The following LRP1B variants were observed in gnomAD, a reference collection of about 807,000 sequenced individuals.
LRP1B encodes the protein LDL receptor related protein 1B.
In LRP1B, 217 loss-of-function variants were observed where a neutral mutation model predicts 556.6. The ratio of observed to expected loss-of-function variants is 0.39; its 90% CI spans 0.35 to 0.44. The LOEUF is 0.44. LRP1B is among the 20% of genes least tolerant of loss of function. The probability of loss-of-function intolerance (pLI) is 1.00; values close to 1 mark genes in which losing one functional copy is unlikely to be tolerated. For synonymous variants in LRP1B, 2,047 were observed against 1,865.8 expected, an observed-to-expected ratio of 1.10 and a Z score of -2.50; for missense variants, 5,053 against 5,620.8, an observed-to-expected ratio of 0.90 and a Z score of 3.23.
intron 7 of LRP1B, among the ~76,000 whole-genome samples, chr2:141,116,298 A>G (rs2104982652): frequency 6.6e-6 from 1 of 152,298 alleles, no homozygotes; most frequent in African/African-American, 2.4e-5. Flanking sequence ...AATGATGGAA[A>G]ATGAATTAAA....
intron 27 of LRP1B, among the ~76,000 whole-genome samples, chr2:140,861,149 G>A (rs539799692): frequency 1.3e-5 from 2 of 152,178 alleles, no homozygotes; most frequent in Middle Eastern, 3.2e-3. Flanking sequence ...GCTCACGCCT[G>A]TAATCCCAGA....
At chr2:141,436,802 A>T (rs554527171) in intron 3 of LRP1B, among the ~76,000 whole-genome samples, 2 of 152,290 alleles carry the variant, frequency 1.3e-5, no homozygotes, top group South Asian at 4.1e-4. Flanking sequence ...GGAGGGAAGT[A>T]AACCATTTAT....
intron 27 of LRP1B, among the ~76,000 whole-genome samples, chr2:140,855,493 G>GAAAAAAA (rs56835236): frequency 1.0e-5 from 1 of 99,370 alleles, no homozygotes; most frequent in African/African-American, 3.8e-5. Flanking sequence ...TCTCTACTGG[G>GAAAAAAA]AAAAAAAAAA....
chr2:140,870,835 C>T (rs116135534), intron 25 of LRP1B, among the ~76,000 whole-genome samples: 2 of 151,880 alleles, frequency 1.3e-5, no homozygotes, highest in African/African-American at 4.8e-5. Flanking sequence ...TTCAATTAAT[C>T]CACTTCCTTT....
At chr2:141,688,718 C>T (rs1226242403) in intron 2 of LRP1B, among the ~76,000 whole-genome samples, 1 of 151,812 alleles carries the variant, frequency 6.6e-6, no homozygotes, top group Non-Finnish European at 1.5e-5. Flanking sequence ...TATACTGCCA[C>T]TTTAAGATAT....
At chr2:140,536,311 TA>T (rs70988404) in intron 46 of LRP1B, among the ~76,000 whole-genome samples, 20 of 61,894 alleles carry the variant, frequency 3.2e-4, no homozygotes, top group African/African-American at 8.9e-4. Flanking sequence ...CCCGTCTCTT[TA>T]AAAAAAAAAA....
chr2:141,492,316 T>A (rs948067098), intron 2 of LRP1B, among the ~76,000 whole-genome samples: 2 of 152,014 alleles, frequency 1.3e-5, no homozygotes, highest in African/African-American at 4.8e-5. Context: ...ATTTTATAGA[T>A]CTCCCTTAAG....
intron 7 of LRP1B, among the ~76,000 whole-genome samples, chr2:141,112,982 G>C (rs973640687): frequency 2.6e-5 from 4 of 152,036 alleles, no homozygotes; most frequent in Non-Finnish European, 4.4e-5. Flanking sequence ...ACAGACTTTT[G>C]AAAAGGCAAA....
rs535932078 is a variant in LRP1B, at chr2:140,254,420, A to T, written c.13248-7258T>A. 2.0e-5 allele frequency among the ~76,000 whole-genome samples: 3 copies of T among 152,298 alleles called. No homozygotes were observed. In the South Asian group the frequency reaches 6.2e-4, roughly 32 times the overall value. On this transcript the variant is annotated intron_variant, in intron 86 of 90. Transcript: ENST00000389484. ...AAATACTGATGTTAGCTACTTGAAT[A>T]TTTTAAAGTCTGAAACATTGGGAAA...
At chr2:141,175,992 G>A (rs559316648) in intron 7 of LRP1B, among the ~76,000 whole-genome samples, 16 of 152,210 alleles carry the variant, frequency 1.1e-4, no homozygotes, top group East Asian at 5.8e-4. Flanking sequence ...TTTCTAACTC[G>A]TATGGGGCCT....
intron 11 of LRP1B, among the ~76,000 whole-genome samples, chr2:141,029,015 G>A (rs1406283757): frequency 6.6e-6 from 1 of 152,078 alleles, no homozygotes; most frequent in East Asian, 1.9e-4. Flanking sequence ...CTGAGGAGGT[G>A]GTCTGCAGGC....
intron 2 of LRP1B, among the ~76,000 whole-genome samples, chr2:141,540,801 G>T (rs1304892581): frequency 3.9e-5 from 6 of 151,934 alleles, no homozygotes; most frequent in Admixed American, 1.3e-4. Flanking sequence ...CAGATTTCCT[G>T]TGTTAACATC....
chr2:141,638,997 T>A (rs76196018), intron 2 of LRP1B, among the ~76,000 whole-genome samples: 30,354 of 72,364 alleles, frequency 0.42, 10,667 homozygotes, highest in East Asian at 0.69. Flanking sequence ...AAAAAAAATA[T>A]ATATATATAT....
intron 7 of LRP1B, among the ~76,000 whole-genome samples, chr2:141,157,867 G>A (rs943685455): frequency 2.0e-5 from 3 of 152,230 alleles, no homozygotes; most frequent in Admixed American, 6.5e-5. Flanking sequence ...TGTAATTTGT[G>A]ATTGTGATTG....
rs373947744 is a variant in LRP1B at position 141,254,508 on chromosome 2, T to C, written c.463+14A>G. On this transcript the variant is annotated intron_variant, in intron 4 of 90. Transcript: ENST00000389484. ...CTATAAACAAAATTTGATGGCGTTA[T>C]ATGTTTTACTTACCTTTACAGCTTC... The C allele has an allele frequency of 4.1e-5, 66 of 1,610,684 alleles. No individual in the cohort carries two copies. In the Middle Eastern group the frequency reaches 8.3e-4, roughly 20 times the overall value.
rs964693333 is a variant in LRP1B, at chr2:141,278,434, G to A, written c.344-23793C>T. ...TTGGATCTTGTTTGTACTATGCCAC[G>A]TTAGAAACCTGTTCACTTTGGCCTT... On this transcript the variant is annotated intron_variant, in intron 3 of 90. Transcript: ENST00000389484. Among the ~76,000 whole-genome samples the A allele has an allele frequency of 5.3e-5, 8 of 152,194 alleles. No homozygotes were observed. The South Asian group carries it at 1.2e-3, about 24-fold the overall frequency.
chr2:140,918,555 C>G (rs1694647930), intron 21 of LRP1B, among the ~76,000 whole-genome samples: 1 of 152,070 alleles, frequency 6.6e-6, no homozygotes, highest in South Asian at 2.1e-4. Flanking sequence ...TTCCTGTACT[C>G]TCACCAGCAT....
chr2:141,382,614 C>T lies in LRP1B; in HGVS notation c.343+97782G>A, dbSNP rs577970120. Among the ~76,000 whole-genome samples the T allele has an allele frequency of 4.6e-5, 7 of 152,346 alleles. No homozygotes were observed. The South Asian group carries it at 1.2e-3, about 27-fold the overall frequency. On this transcript the variant is annotated intron_variant, in intron 3 of 90. Coordinates refer to ENST00000389484, the MANE Select transcript of LRP1B (RefSeq NM_018557.3). ...GATAGGTTTGCTGGCCTTCATCTCA[C>T]AGCAGGTCCTGAGAGGATCCCAGGA...
rs750994294 is a variant in LRP1B, at chr2:140,492,596, G to A, written c.9120+12C>T. 1 of 1,592,664 alleles carries A rather than the reference G, an allele frequency of 6.3e-7. No homozygotes were observed. The highest frequency in any genetic ancestry group is 2.2e-5 in the East Asian group (1 of 44,736). ...TGTTAAATGTTACGGTGTCATCTTGGGAGTGTCATACCTGTTTTAAAAGTG... is the reference window on the plus strand; with the variant it reads ...TGTTAAATGTTACGGTGTCATCTTGAGAGTGTCATACCTGTTTTAAAAGTG... On this transcript the variant is annotated intron_variant, in intron 57 of 90. Coordinates refer to ENST00000389484, the MANE Select transcript of LRP1B (RefSeq NM_018557.3).
Sources: gnomAD v4.1 joint callset for allele counts (sites outside exome capture counted in the v4.1 genomes callset) on GRCh38, gnomAD v4.1.1 for gene constraint, MANE v1.5 for transcripts, NCBI Gene and HGNC (gene_info 2026-07-23, HGNC 2026-07-21) for gene names.